Variants in HYDIN observed in about 807,000 individuals in gnomAD.
HYDIN encodes axonemal central pair apparatus protein HYDIN.
In HYDIN, 132 loss-of-function variants were observed where a neutral mutation model predicts 403.9. The ratio of observed to expected loss-of-function variants is 0.33; its 90% CI spans 0.28 to 0.38. HYDIN has a LOEUF of 0.38. Among genes scored for constraint, HYDIN ranks in the 10% least tolerant of loss-of-function variants. HYDIN has a pLI of 1.00. For synonymous variants in HYDIN, 1,202 were observed against 1,891.7 expected, an observed-to-expected ratio of 0.64 and a Z score of 9.46; for missense variants, 2,827 against 5,009.5, an observed-to-expected ratio of 0.56 and a Z score of 13.15.
Position 70,829,693 on chromosome 16 carries a change from C to T in HYDIN, c.14037G>A (p.Glu4679=). ...CATAGGGCTTGTTTTGCTGGTGGGCCTCCAGGGTGATGAACTCAGGCCCCT... is the reference window on the plus strand; with the variant it reads ...CATAGGGCTTGTTTTGCTGGTGGGCTTCCAGGGTGATGAACTCAGGCCCCT... ...HWEGPEFITL[E]AHQQNKPYEI... The change falls in exon 81 of 86, where the codon GAG becomes GAA. Residue 4679 remains glutamate, a synonymous_variant. Transcript: ENST00000393567. 1 of 1,613,826 alleles carries T rather than the reference C, an allele frequency of 6.2e-7. No individual in the cohort carries two copies. Among genetic ancestry groups the T allele is most frequent in the Non-Finnish European group, 8.5e-7 (1 of 1,179,826 alleles).
At chr16:70,851,203 CAAAAAAA>C (rs4028101) in intron 73 of HYDIN, among the ~76,000 whole-genome samples, 11 of 22,176 alleles carry the variant, frequency 5.0e-4, no homozygotes, top group African/African-American at 8.3e-4. Flanking sequence ...ATCAATCCTG[CAAAAAAA>C]AAAAAAAAAA....
In HYDIN at chr16:70,834,099, G is replaced by A. The variant is rs559105950; in HGVS notation, c.13467C>T (p.Val4489=). Residue 4489 remains valine, a synonymous_variant, in exon 79 of 86, where the codon GTC becomes GTT. Coordinates refer to ENST00000393567, the MANE Select transcript of HYDIN (RefSeq NM_001270974.2). ...LKPKEVCKLE[V]IFAPKKRVPP... ...GGACACGCTTCTTCGGGGCAAAGATGACTTCCAGTTTACAGACTTCTTTGG... is the reference window on the plus strand; with the variant it reads ...GGACACGCTTCTTCGGGGCAAAGATAACTTCCAGTTTACAGACTTCTTTGG... 242 of 1,611,876 alleles carry A rather than the reference G, an allele frequency of 1.5e-4. No individual in the cohort carries two copies. Among genetic ancestry groups the A allele is most frequent in the Admixed American group, 1.1e-3 (67 of 59,984 alleles).
chr16:71,092,606 A>C (rs1273746040), intron 11 of HYDIN, among the ~76,000 whole-genome samples: 4 of 151,686 alleles, frequency 2.6e-5, no homozygotes, highest in African/African-American at 4.9e-5. Flanking sequence ...TTTGAGACAG[A>C]GTCTCACTCT....
intron 45 of HYDIN, among the ~76,000 whole-genome samples, chr16:70,925,123 T>A (rs1277913196): frequency 2.6e-5 from 4 of 152,198 alleles, no homozygotes; most frequent in African/African-American, 9.6e-5. Context: ...AAACAGTGAT[T>A]CTCTCTGGAG....
At chr16:71,190,838 G>C (rs1390353650) in intron 1 of HYDIN, among the ~76,000 whole-genome samples, 1 of 152,150 alleles carries the variant, frequency 6.6e-6, no homozygotes, top group African/African-American at 2.4e-5. Flanking sequence ...CGACCTACCA[G>C]CCCAATTGCA....
intron 41 of HYDIN, among the ~76,000 whole-genome samples, chr16:70,950,795 A>C (rs2078042159): frequency 6.6e-6 from 1 of 151,960 alleles, no homozygotes; most frequent in Non-Finnish European, 1.5e-5. Context: ...TTCTCTTCTT[A>C]ATTCCTTCTC....
chr16:70,818,829 T>G (rs983750319), intron 83 of HYDIN, among the ~76,000 whole-genome samples: 1 of 151,826 alleles, frequency 6.6e-6, no homozygotes, highest in Non-Finnish European at 1.5e-5. Context: ...AGAGCAGGAC[T>G]GTCCAACGCC....
intron 23 of HYDIN, among the ~76,000 whole-genome samples, chr16:71,004,102 G>T (rs1325622252): frequency 2.6e-5 from 4 of 151,678 alleles, no homozygotes; most frequent in Admixed American, 1.3e-4. Flanking sequence ...ATCACCTGAG[G>T]TCAGGAGTTC....
At chr16:71,019,945 C>A (rs568121003) in intron 22 of HYDIN, among the ~76,000 whole-genome samples, 7 of 152,264 alleles carry the variant, frequency 4.6e-5, no homozygotes, top group Non-Finnish European at 8.8e-5. Context: ...GGTCCAAATC[C>A]TGGTTCTGCC....
chr16:71,196,809 C>T (rs7206336), intron 1 of HYDIN, among the ~76,000 whole-genome samples: 52,591 of 152,036 alleles, frequency 0.35, 9,560 homozygotes, highest in East Asian at 0.57. Context: ...CACTGCTACA[C>T]TTCCACCAGT....
At chr16:71,074,672 T>C (rs1275466328) in intron 13 of HYDIN, among the ~76,000 whole-genome samples, 1 of 118,544 alleles carries the variant, frequency 8.4e-6, no homozygotes, top group East Asian at 2.3e-4. Flanking sequence ...ACAGAGACTC[T>C]GTCTCAAAAC....
intron 1 of HYDIN, among the ~76,000 whole-genome samples, chr16:71,218,024 T>A (rs572519584): frequency 5.0e-4 from 76 of 152,320 alleles, no homozygotes; most frequent in Admixed American, 4.9e-3. Context: ...AATTCTGTAT[T>A]CTTTTGATTA....
intron 62 of HYDIN, among the ~76,000 whole-genome samples, chr16:70,877,443 G>GA (rs2040514316): frequency 1.3e-5 from 2 of 152,152 alleles, no homozygotes; most frequent in African/African-American, 4.8e-5. Context: ...AAGGCAGTCA[G>GA]AAAAAAAGAA....
At chr16:70,942,827 T>C (rs1411940506) in intron 42 of HYDIN, among the ~76,000 whole-genome samples, 1 of 152,240 alleles carries the variant, frequency 6.6e-6, no homozygotes, top group African/African-American at 2.4e-5. Flanking sequence ...ACCAGCACTT[T>C]GAGTAGCACA....
At chr16:70,828,794 T>G (rs540262752) in intron 81 of HYDIN, among the ~76,000 whole-genome samples, 127 of 152,286 alleles carry the variant, frequency 8.3e-4, no homozygotes, top group South Asian at 7.9e-3. Context: ...TAAAAATAAT[T>G]ATCATAAAGA....
Position 70,979,124 on chromosome 16 carries a change from A to G in HYDIN, c.4511-83T>C, listed in dbSNP as rs557354687. ...AATATGAATGATGTCGCAAACACAG[A>G]CCCTCAGCTCCTGGTAAGGTGGGAA... On this transcript the variant is annotated intron_variant, in intron 29 of 85. Coordinates refer to ENST00000393567, the MANE Select transcript of HYDIN (RefSeq NM_001270974.2). The G allele has an allele frequency of 3.2e-6, 4 of 1,263,594 alleles. No homozygotes were observed. The East Asian group carries it at 7.3e-5, about 23-fold the overall frequency. 78.3% of individuals were successfully genotyped at this position (1,263,594 alleles called of 1,614,324 possible).
chr16:71,205,985 G>T (rs370300783), intron 1 of HYDIN, among the ~76,000 whole-genome samples: 3 of 152,172 alleles, frequency 2.0e-5, no homozygotes, highest in East Asian at 1.9e-4. Context: ...AGAGCTTCTA[G>T]CCCTGCAGCC....
At position 70,882,729 on chromosome 16, in the gene HYDIN, A is replaced by G; in HGVS notation, c.10146T>C (p.Arg3382=). The stretch of plus-strand genomic sequence containing the variant: ...TCTTTCCCACGTTGCTGATCTTGAA[A>G]CGAGCCTTGGCTTGGCGGCCCACCA... The part of the protein sequence containing the change: ...NVLVGRQAKA[R]FKISNVGKIT... The change falls in exon 60 of 86, where the codon CGT becomes CGC. Residue 3382 remains arginine (R), a synonymous_variant. Coordinates refer to ENST00000393567, the MANE Select transcript of HYDIN (RefSeq NM_001270974.2). 1 of 1,518,576 alleles carries G rather than the reference A, an allele frequency of 6.6e-7. No homozygotes were observed. The highest frequency in any genetic ancestry group is 9.1e-7 in the Non-Finnish European group (1 of 1,094,428). The allele number at this position is 1,518,576 out of a possible 1,614,324, so 94.1% of individuals were successfully genotyped here. A position where few individuals can be genotyped will look rare whatever the true frequency, so the allele number is the denominator to read the frequency against.
chr16:70,994,060 T>G (rs1048426300), intron 23 of HYDIN, among the ~76,000 whole-genome samples: 2 of 152,116 alleles, frequency 1.3e-5, no homozygotes, highest in African/African-American at 4.8e-5. Flanking sequence ...ATGTAATTAT[T>G]TTCTTGCCTG....
Sources: allele counts gnomAD v4.1 joint callset (sites outside exome capture counted in the v4.1 genomes callset), GRCh38; gene constraint gnomAD v4.1.1; transcripts MANE v1.5; gene names NCBI Gene and HGNC (gene_info 2026-07-23, HGNC 2026-07-21).